Variants in SNTG1 observed in about 807,000 individuals in gnomAD.
SNTG1 encodes the protein gamma-1-syntrophin.
A neutral mutation model predicts 74.7 loss-of-function variants in SNTG1; 39 were observed. That is an observed-to-expected ratio of 0.52 (90% CI 0.40 to 0.68). The LOEUF (loss-of-function observed/expected upper bound fraction) is 0.68. Among genes scored for constraint, SNTG1 ranks in the 30% least tolerant of loss-of-function variants. The pLI, the probability that SNTG1 is intolerant of heterozygous loss-of-function variation, is 0.00. For synonymous variants in SNTG1, 254 were observed against 217.1 expected (o/e 1.17, Z -1.49); for missense variants, 685 against 609.5 (o/e 1.12, Z -1.30).
chr8:49,953,571 A>T (rs1277883368), intron 1 of SNTG1, among the ~76,000 whole-genome samples: 3 of 152,338 alleles, frequency 2.0e-5, no homozygotes, highest in Middle Eastern at 3.4e-3. Context: ...ATTTAAGATT[A>T]TGAAGATTAT....
At chr8:50,476,847 G>GACACACACAGACAC (rs2093700419) in intron 8 of SNTG1, among the ~76,000 whole-genome samples, 1 of 40,838 alleles carries the variant, frequency 2.4e-5, no homozygotes, top group Admixed American at 3.4e-4. Context: ...ATGAGCCTGT[G>GACACACACAGACAC]ACACACACAG....
Position 49,947,614 on chromosome 8 carries a change from C to T in SNTG1, c.-103+35383C>T, listed in dbSNP as rs149356380. Among the ~76,000 whole-genome samples, 425 of 152,272 alleles carry T rather than the reference C, an allele frequency of 2.8e-3. 1 individual carries two copies. Among genetic ancestry groups the T allele is most frequent in the African/African-American group, 9.4e-3 (392 of 41,552 alleles). Reference sequence around the variant, plus strand: ...AGATGAACATATTTGTGTTTCCCAACAAGGAGTGACAATTGGTAACAAGTT... The same window carrying T: ...AGATGAACATATTTGTGTTTCCCAATAAGGAGTGACAATTGGTAACAAGTT... On this transcript the variant is annotated intron_variant, in intron 1 of 18. Coordinates refer to ENST00000642720, the MANE Select transcript of SNTG1 (RefSeq NM_018967.5).
At chr8:50,687,140 T>G (rs2095355951) in intron 15 of SNTG1, among the ~76,000 whole-genome samples, 1 of 97,268 alleles carries the variant, frequency 1.0e-5, no homozygotes, top group Non-Finnish European at 1.8e-5. Context: ...AGACTCCGTC[T>G]CAAAAAAAAA....
chr8:50,346,457 C>T (rs937489792), intron 2 of SNTG1, among the ~76,000 whole-genome samples: 3 of 152,064 alleles, frequency 2.0e-5, no homozygotes, highest in African/African-American at 4.8e-5. Flanking sequence ...CTGGGGCCTC[C>T]GTATTCCCTG....
At chr8:50,551,458 A>G (rs1054100753) in intron 11 of SNTG1, among the ~76,000 whole-genome samples, 1 of 152,172 alleles carries the variant, frequency 6.6e-6, no homozygotes, top group Admixed American at 6.5e-5. Context: ...TAAAGCAGAG[A>G]AGACAAATAT....
intron 9 of SNTG1, among the ~76,000 whole-genome samples, chr8:50,509,951 A>T (rs949517470): frequency 8.5e-5 from 13 of 152,102 alleles, no homozygotes; most frequent in Admixed American, 1.3e-4. Flanking sequence ...TTCCAACACT[A>T]TGTTGAATAG....
chr8:49,972,415 A>T lies in SNTG1; in HGVS notation c.-103+60184A>T, dbSNP rs201504505. 5.3e-5 allele frequency among the ~76,000 whole-genome samples: 8 copies of T among 152,334 alleles called. No homozygotes were observed. In the East Asian group the frequency reaches 1.5e-3, roughly 29 times the overall value. ...TTAGACCTAAAACCATAAAAACCCT[A>T]GAAGAAAACCTAGGCAATACCATTC... is the stretch of plus-strand genomic sequence containing the variant. On this transcript the variant is annotated intron_variant, in intron 1 of 18. Coordinates refer to ENST00000642720, the MANE Select transcript of SNTG1 (RefSeq NM_018967.5).
intron 4 of SNTG1, among the ~76,000 whole-genome samples, chr8:50,428,689 G>A (rs943770343): frequency 3.3e-5 from 5 of 152,072 alleles, no homozygotes; most frequent in Admixed American, 2.0e-4. Flanking sequence ...GAGCTTGCCT[G>A]GGGAATGAAT....
At chr8:50,661,304 T>C (rs2095222002) in intron 15 of SNTG1, among the ~76,000 whole-genome samples, 1 of 152,200 alleles carries the variant, frequency 6.6e-6, no homozygotes, top group African/African-American at 2.4e-5. Context: ...CAAATTCTTA[T>C]TTCCTTTAGT....
chr8:49,927,242 C>G (rs1267260468), intron 1 of SNTG1, among the ~76,000 whole-genome samples: 1 of 152,110 alleles, frequency 6.6e-6, no homozygotes, highest in Non-Finnish European at 1.5e-5. Context: ...CTAGCAATCA[C>G]ACTTGTTGTT....
chr8:50,349,778 T>C (rs10093114), intron 2 of SNTG1, among the ~76,000 whole-genome samples: 9,962 of 152,276 alleles, frequency 0.065, 353 homozygotes, highest in African/African-American at 0.072. Context: ...AGCCCTCACT[T>C]GCTCTCAGCA....
At chr8:50,467,513 T>C (rs1044420859) in intron 8 of SNTG1, among the ~76,000 whole-genome samples, 1 of 151,910 alleles carries the variant, frequency 6.6e-6, no homozygotes, top group Non-Finnish European at 1.5e-5. Context: ...ACTGGTAATT[T>C]GTATCTTTCT....
chr8:50,671,128 C>T (rs964017351), intron 15 of SNTG1, among the ~76,000 whole-genome samples: 1 of 151,474 alleles, frequency 6.6e-6, no homozygotes, highest in African/African-American at 2.4e-5. Context: ...AGGACATAGA[C>T]ATGGGCAAGG....
At chr8:50,509,218 A>G (rs2094040733) in intron 9 of SNTG1, among the ~76,000 whole-genome samples, 1 of 152,148 alleles carries the variant, frequency 6.6e-6, no homozygotes, top group South Asian at 2.1e-4. Context: ...TTTGTCAAAG[A>G]TCAGATAGTT....
chr8:50,018,351 A>C (rs1816522308), intron 1 of SNTG1, among the ~76,000 whole-genome samples: 1 of 152,028 alleles, frequency 6.6e-6, no homozygotes, highest in Non-Finnish European at 1.5e-5. Flanking sequence ...TTACATTTAC[A>C]CTCAACTAAT....
chr8:50,457,025 A>T (rs912363308), intron 8 of SNTG1: 1 of 152,218 alleles, frequency 6.6e-6, no homozygotes, highest in African/African-American at 2.4e-5. Context: ...TAACCAGCTG[A>T]TCAAACTGAA....
At chr8:50,551,061 A>G (rs2094422975) in intron 11 of SNTG1, among the ~76,000 whole-genome samples, 1 of 152,110 alleles carries the variant, frequency 6.6e-6, no homozygotes, top group African/African-American at 2.4e-5. Flanking sequence ...TTCAGAAAAT[A>G]CTTGTTAAAT....
In SNTG1 at chr8:50,067,033, CT is replaced by C. The variant is rs965455717; in HGVS notation, c.-102-105519del. On this transcript the variant is annotated intron_variant, in intron 1 of 18. Coordinates refer to ENST00000642720, the MANE Select transcript of SNTG1 (RefSeq NM_018967.5). ...ATTCTTTCGTCAGTTCTTTTCTTTTCTTTTTTTTTGAAAGACATATAAAGCC... is the reference window on the plus strand; with the variant it reads ...ATTCTTTCGTCAGTTCTTTTCTTTTCTTTTTTTTGAAAGACATATAAAGCC... 1.1e-4 allele frequency among the ~76,000 whole-genome samples: 17 copies of C among 151,420 alleles called. No individual in the cohort carries two copies. The South Asian group carries it at 2.5e-3, about 22-fold the overall frequency.
intron 1 of SNTG1, among the ~76,000 whole-genome samples, chr8:49,927,448 T>G (rs1807127242): frequency 6.6e-6 from 1 of 152,192 alleles, no homozygotes; most frequent in Admixed American, 6.5e-5. Flanking sequence ...TTAAGCCATG[T>G]AAAGACATGG....
Sources: allele counts gnomAD v4.1 joint callset (sites outside exome capture counted in the v4.1 genomes callset), GRCh38; gene constraint gnomAD v4.1.1; transcripts MANE v1.5; gene names NCBI Gene and HGNC (gene_info 2026-07-23, HGNC 2026-07-21).